TXLNA: variants seen among roughly 807,000 people sequenced by gnomAD.
TXLNA encodes alpha-taxilin.
TXLNA carries 9 observed loss-of-function variants against 61.4 expected under a neutral mutation model. The observed-to-expected ratio is 0.15, with a 90% CI of 0.09 to 0.26. The LOEUF (loss-of-function observed/expected upper bound fraction) is 0.26, where lower values mean the gene tolerates loss of function less well. TXLNA is among the 10% of genes least tolerant of loss of function. The probability of loss-of-function intolerance (pLI) is 1.00; values close to 1 mark genes in which losing one functional copy is unlikely to be tolerated. For synonymous variants in TXLNA, 257 were observed against 267.7 expected (o/e 0.96, Z 0.39); for missense variants, 565 against 688.8 (o/e 0.82, Z 2.01).
chr1:32,193,969 C>A (rs1481343412), intron 9 of TXLNA, 96 bp from the exon 10 acceptor site: 2 of 968,456 alleles, frequency 2.1e-6, no homozygotes, highest in Non-Finnish European at 3.2e-6. Flanking sequence ...TCAATCATTC[C>A]CCACCTTGGA....
chr1:32,180,500 C>T lies in TXLNA; in HGVS notation c.155C>T (p.Pro52Leu). Residue 52 changes from proline to leucine, a missense_variant, in exon 2 of 11, where the codon CCT becomes CTT. Physicochemically the swap from Pro to Leu is moderately conservative, Grantham distance 98. Around this residue, in one of 2 missense-constraint regions of TXLNA, gnomAD observed 192 missense variants for 184.8 expected, o/e 1.04. Coordinates refer to ENST00000373610, the MANE Select transcript of TXLNA (RefSeq NM_175852.4). ...EAEGPGSSQA[P>L]RKPEGAQART... ...GAAGGTCCCGGCAGCAGCCAGGCTC[C>T]TCGGAAGCCGGAGGGTGTGTGCCAG... 1.2e-6 allele frequency: 2 copies of T among 1,604,304 alleles called. No individual in the cohort carries two copies. The highest frequency in any genetic ancestry group is 1.7e-6 in the Non-Finnish European group (2 of 1,175,592).
chr1:32,184,314 A>C (rs2124139251), intron 3 of TXLNA, among the ~76,000 whole-genome samples: 1 of 152,206 alleles, frequency 6.6e-6, no homozygotes, highest in Non-Finnish European at 1.5e-5. Context: ...GCATTTGTTG[A>C]GCATATCCTC....
intron 10 of TXLNA, 97 bp downstream of exon 10, chr1:32,194,257 A>G: frequency 1.0e-6 from 1 of 984,728 alleles, no homozygotes; most frequent in Non-Finnish European, 1.6e-6. Flanking sequence ...CACAGCTAGC[A>G]TGAGGTAGAG....
At chr1:32,184,499 C>G (rs1389893034) in intron 3 of TXLNA, 26 bp from the exon 4 acceptor site, 4 of 1,514,646 alleles carry the variant, frequency 2.6e-6, no homozygotes, top group Middle Eastern at 1.7e-4. Context: ...GAAGAGGGTG[C>G]ATGTCTTTGC....
In TXLNA at chr1:32,187,990, C is replaced by A; in HGVS notation, c.634C>A (p.Leu212Ile). The part of the protein sequence containing the change: ...EHRNSQKQMK[L>I]LQKKQSQLVQ... ...CCGGAATTCACAGAAGCAGATGAAG[C>A]TCCTACAGAAAAAGCAGAGCCAGCT... Residue 212 changes from leucine to isoleucine, a missense_variant, in exon 5 of 11, where the codon CTC (leucine) becomes ATC (isoleucine). Physicochemically the swap from Leu to Ile is conservative, Grantham distance 5 (BLOSUM62 2). Around this residue, in one of 2 missense-constraint regions of TXLNA, gnomAD observed 373 missense variants for 504.0 expected, o/e 0.74. Transcript: ENST00000373610. The A allele has an allele frequency of 6.2e-7, 1 of 1,613,908 alleles. No homozygotes were observed. Among genetic ancestry groups the A allele is most frequent in the East Asian group, 2.2e-5 (1 of 44,882 alleles).
chr1:32,180,285 G>A (rs1642624472), intron 1 of TXLNA, 29 bp from the exon 2 acceptor site: 3 of 1,525,304 alleles, frequency 2.0e-6, no homozygotes, highest in Non-Finnish European at 2.6e-6. Flanking sequence ...TCGAAGTCTG[G>A]AAAATAGCAA....
rs1642994012 is a variant in TXLNA, at chr1:32,195,267, T to A, written c.*72T>A. 6.8e-7 allele frequency: 1 copy of A among 1,471,632 alleles called. No homozygotes were observed. Among genetic ancestry groups the A allele is most frequent in the African/African-American group, 1.4e-5 (1 of 70,758 alleles). The allele number at this position is 1,471,632 out of a possible 1,614,324, so 91.2% of individuals were successfully genotyped here. ...AGGCCTGGCCCATAAAAGGCTCCCA[T>A]GCTGAGCAGCCCATTGCTGAAGCCA... On this transcript the variant is annotated 3_prime_UTR_variant, in exon 11 of 11. Transcript: ENST00000373610.
intron 6 of TXLNA, among the ~76,000 whole-genome samples, chr1:32,191,678 A>AC (rs1642910151): frequency 1.3e-5 from 2 of 152,102 alleles, no homozygotes; most frequent in Non-Finnish European, 2.9e-5. Flanking sequence ...ATCATACCCA[A>AC]ACTGGACTTA....
rs1642937251 is a variant in TXLNA, at chr1:32,192,905, G to A, written c.1158+174G>A. On this transcript the variant is annotated intron_variant, in intron 8 of 10. Transcript: ENST00000373610. This position sits in a 1 kb window ranked among gnomAD's most constrained non-coding sequence, Gnocchi z 4.2. ...ACAGTACCTATGTGGTGGTGACCAG[G>A]TAGTTAGGTGGGCTCAGAGGACTTC... is the stretch of plus-strand genomic sequence containing the variant. Among the ~76,000 whole-genome samples, 1 of 152,136 alleles carries A rather than the reference G, an allele frequency of 6.6e-6. No homozygotes were observed. The highest frequency in any genetic ancestry group is 1.5e-5 in the Non-Finnish European group (1 of 68,030).
chr1:32,187,612 C>T (rs1642815554), intron 4 of TXLNA, among the ~76,000 whole-genome samples: 2 of 152,304 alleles, frequency 1.3e-5, no homozygotes, highest in African/African-American at 4.8e-5. Context: ...TGGTCTCATC[C>T]TCGGGCATGA....
chr1:32,191,495 G>C (rs2124158225), intron 6 of TXLNA, among the ~76,000 whole-genome samples: 2 of 152,158 alleles, frequency 1.3e-5, no homozygotes, highest in South Asian at 4.2e-4. Flanking sequence ...AGACATAGAG[G>C]CTTCCTGGGC....
Position 32,195,324 on chromosome 1 carries a change from T to TG in TXLNA, c.*130dup. Reference sequence around the variant, plus strand: ...TCTGACCTGGCTGGCATCTGGCACTTGCAATTTTGGATTTTGTGGGTCAGT... The same window carrying TG: ...TCTGACCTGGCTGGCATCTGGCACTTGGCAATTTTGGATTTTGTGGGTCAGT... On this transcript the variant is annotated 3_prime_UTR_variant, in exon 11 of 11. Transcript: ENST00000373610. 8.7e-6 allele frequency: 10 copies of TG among 1,147,104 alleles called. No homozygotes were observed. The highest frequency in any genetic ancestry group is 2.9e-5 in the Admixed American group (1 of 34,436). 71.1% of individuals were successfully genotyped at this position (1,147,104 alleles called of 1,614,324 possible).
rs754044600 is a variant in TXLNA, at chr1:32,180,489, C to T, written c.144C>T (p.Ser48=). The T allele has an allele frequency of 3.1e-6, 5 of 1,608,026 alleles. No homozygotes were observed. The Admixed American group carries it at 8.5e-5, about 27-fold the overall frequency. The stretch of plus-strand genomic sequence containing the variant: ...CAGTAGAAGCAGAAGGTCCCGGCAG[C>T]AGCCAGGCTCCTCGGAAGCCGGAGG... ...APAVEAEGPG[S]SQAPRKPEGA... is the part of the protein sequence containing the mutation. The change falls in exon 2 of 11, where the codon AGC becomes AGT. Residue 48 remains serine (S), a synonymous_variant. Coordinates refer to ENST00000373610, the MANE Select transcript of TXLNA (RefSeq NM_175852.4).
At chr1:32,183,101 T>C (rs1449660328) in intron 3 of TXLNA, among the ~76,000 whole-genome samples, 1 of 151,644 alleles carries the variant, frequency 6.6e-6, no homozygotes, top group East Asian at 2.0e-4. Flanking sequence ...TAACGTCACA[T>C]ACATGGAAAG....
At position 32,181,580 on chromosome 1, in the gene TXLNA, G is replaced by T; in HGVS notation, c.505+3G>T. On this transcript the variant is annotated splice_donor_region_variant and intron_variant, in intron 3 of 10. Coordinates refer to ENST00000373610, the MANE Select transcript of TXLNA (RefSeq NM_175852.4). ...GAAGAAAAAAGCCAAGGGTTTGGGT[G>T]AGCAGAGGGCGGCTCTTTGTGAAGC... 1 of 1,530,776 alleles carries T rather than the reference G, an allele frequency of 6.5e-7. No homozygotes were observed. Among genetic ancestry groups the T allele is most frequent in the South Asian group, 1.2e-5 (1 of 82,002 alleles). 94.8% of individuals were successfully genotyped at this position (1,530,776 alleles called of 1,614,324 possible). A position where few individuals can be genotyped will look rare whatever the true frequency, so the allele number is the denominator to read the frequency against.
intron 3 of TXLNA, among the ~76,000 whole-genome samples, chr1:32,183,613 G>A (rs1642718086): frequency 6.8e-6 from 1 of 146,564 alleles, no homozygotes; most frequent in South Asian, 2.2e-4. Context: ...ATTTTTTTTA[G>A]TAGAGACGGG....
chr1:32,187,968 G>A lies in TXLNA; in HGVS notation c.612G>A (p.Arg204=). The change falls in exon 5 of 11, where the codon CGG becomes CGA. Residue 204 remains arginine (R), a synonymous_variant. Coordinates refer to ENST00000373610, the MANE Select transcript of TXLNA (RefSeq NM_175852.4). ...CCTGTCCCCAGCTGGAGGAGCACCG[G>A]AATTCACAGAAGCAGATGAAGCTCC... ...KKYAELLEEH[R]NSQKQMKLLQ... 1 of 1,613,846 alleles carries A rather than the reference G, an allele frequency of 6.2e-7. No individual in the cohort carries two copies. Among genetic ancestry groups the A allele is most frequent in the South Asian group, 1.1e-5 (1 of 91,004 alleles).
intron 6 of TXLNA, among the ~76,000 whole-genome samples, chr1:32,191,185 C>T (rs996332531): frequency 1.3e-5 from 2 of 152,064 alleles, no homozygotes; most frequent in Non-Finnish European, 1.5e-5. Flanking sequence ...TCTTCCCTGC[C>T]AGTCACCTGG....
At position 32,180,435 on chromosome 1, in the gene TXLNA, C is replaced by T; in HGVS notation, c.90C>T (p.Ala30=). 1 of 1,613,786 alleles carries T rather than the reference C, an allele frequency of 6.2e-7. No individual in the cohort carries two copies. The highest frequency in any genetic ancestry group is 1.1e-5 in the South Asian group (1 of 91,062). The change falls in exon 2 of 11, where the codon GCC becomes GCT. Residue 30 remains alanine, a synonymous_variant. Transcript: ENST00000373610. ...AACCGGAAGCAGGACCCGAGGGAGCCCAGGAGCGGCCCAGCCAGGCGGCTC... is the reference window on the plus strand; with the variant it reads ...AACCGGAAGCAGGACCCGAGGGAGCTCAGGAGCGGCCCAGCCAGGCGGCTC... ...PGQPEAGPEG[A]QERPSQAAPA... is the part of the protein sequence containing the mutation.
Sources: allele counts gnomAD v4.1 joint callset (sites outside exome capture counted in the v4.1 genomes callset), GRCh38; gene constraint gnomAD v4.1.1; regional missense constraint gnomAD v4.1.1; non-coding constraint Gnocchi (gnomAD v3.1); transcripts MANE v1.5; gene names NCBI Gene and HGNC (gene_info 2026-07-23, HGNC 2026-07-21).